MTUS1: variants seen among roughly 807,000 people sequenced by gnomAD.
MTUS1 encodes microtubule-associated tumor suppressor 1.
MTUS1 carries 109 observed loss-of-function variants against 120.8 expected under a neutral mutation model. The ratio of observed to expected loss-of-function variants is 0.90; its 90% CI spans 0.77 to 1.06. The LOEUF is 1.06. Ranked by LOEUF, MTUS1 falls within the 50% of genes least tolerant of loss-of-function variation. The pLI, the probability that MTUS1 is intolerant of heterozygous loss-of-function variation, is 0.00. For synonymous variants in MTUS1, 737 were observed against 550.5 expected, an observed-to-expected ratio of 1.34 and a Z score of -4.74; for missense variants, 2,210 against 1,486.3, an observed-to-expected ratio of 1.49 and a Z score of -8.01.
At chr8:17,743,557 TTTTACA>T in intron 3 of MTUS1, 41 bp downstream of exon 3, 1 of 1,560,062 alleles carries the variant, frequency 6.4e-7, no homozygotes, top group South Asian at 1.2e-5. Context: ...GACTGTCCAA[TTTTACA>T]TTCAATTAAC....
chr8:17,790,685 T>C (rs866224806), intron 1 of MTUS1, among the ~76,000 whole-genome samples: 8 of 152,106 alleles, frequency 5.3e-5, no homozygotes, highest in Admixed American at 1.3e-4. Flanking sequence ...ATTTTACATA[T>C]CATAACTACT....
Position 17,755,977 on chromosome 8 carries a change from TGTTTAACTCAAGTAACTATAAGA to T in MTUS1, c.-154-39_-154-17del, listed in dbSNP as rs2048578862. 2.8e-6 allele frequency: 4 copies of T among 1,405,396 alleles called. No individual in the cohort carries two copies. In the South Asian group the frequency reaches 6.5e-5, roughly 23 times the overall value. The allele number at this position is 1,405,396 out of a possible 1,614,324, so 87.1% of individuals were successfully genotyped here. Reference sequence around the variant, plus strand: ...TTGTTGTTCCCTGGAAGAAATAAAATGTTTAACTCAAGTAACTATAAGAAAAATTAACAGGCCACCCCTTGGTT... The same window carrying T: ...TTGTTGTTCCCTGGAAGAAATAAAATAAAATTAACAGGCCACCCCTTGGTT... On this transcript the variant is annotated splice_polypyrimidine_tract_variant and intron_variant, in intron 1 of 14. Transcript: ENST00000693296.
At chr8:17,786,066 G>C (rs534219300) in intron 1 of MTUS1, among the ~76,000 whole-genome samples, 4 of 152,324 alleles carry the variant, frequency 2.6e-5, no homozygotes, top group African/African-American at 9.6e-5. Flanking sequence ...CTTCAGCCCA[G>C]AAGTTAGAGG....
chr8:17,788,248 C>T lies in MTUS1; in HGVS notation c.-155+12813G>A, dbSNP rs117217061. Among the ~76,000 whole-genome samples, 125 of 152,306 alleles carry T rather than the reference C, an allele frequency of 8.2e-4. 3 individuals carry two copies. The East Asian group carries it at 0.022, about 27-fold the overall frequency. On this transcript the variant is annotated intron_variant, in intron 1 of 14. Transcript: ENST00000693296. Reference sequence around the variant, plus strand: ...TTAAGCCAGGTGCACTGCATTTCATCACACTTAATGTTATCTCAAAAATTG... The same window carrying T: ...TTAAGCCAGGTGCACTGCATTTCATTACACTTAATGTTATCTCAAAAATTG...
At chr8:17,779,038 G>T (rs187473145) in intron 1 of MTUS1, among the ~76,000 whole-genome samples, 2 of 152,134 alleles carry the variant, frequency 1.3e-5, no homozygotes, top group Non-Finnish European at 2.9e-5. Flanking sequence ...GGTCACATAG[G>T]AAAGCATGGA....
chr8:17,738,609 G>A (rs1477010709), intron 3 of MTUS1, among the ~76,000 whole-genome samples: 2 of 152,144 alleles, frequency 1.3e-5, no homozygotes, highest in African/African-American at 4.8e-5. Context: ...AGGCTGTGCA[G>A]GTTTGTTACA....
chr8:17,762,013 C>G (rs1468741609), intron 1 of MTUS1, among the ~76,000 whole-genome samples: 1 of 152,202 alleles, frequency 6.6e-6, no homozygotes, highest in Non-Finnish European at 1.5e-5. Flanking sequence ...GGTGCAGTGG[C>G]TCAGGCCTAT....
intron 6 of MTUS1, chr8:17,697,714 G>A (rs935477299): frequency 1.0e-6 from 1 of 1,003,126 alleles, no homozygotes; most frequent in South Asian, 4.6e-5. Flanking sequence ...AGATGGTAAA[G>A]GGGAGGAGAA....
At chr8:17,726,587 A>C (rs1585987760) in intron 3 of MTUS1, among the ~76,000 whole-genome samples, 1 of 152,196 alleles carries the variant, frequency 6.6e-6, no homozygotes, top group East Asian at 1.9e-4. Context: ...TGAAGCATTC[A>C]GTGCTTAACC....
chr8:17,733,796 G>C (rs2046752909), intron 3 of MTUS1, among the ~76,000 whole-genome samples: 1 of 152,074 alleles, frequency 6.6e-6, no homozygotes, highest in Admixed American at 6.6e-5. Context: ...TATATTCTGA[G>C]CCATAACTCC....
chr8:17,650,441 A>C (rs1806738465), intron 12 of MTUS1, among the ~76,000 whole-genome samples: 1 of 152,226 alleles, frequency 6.6e-6, no homozygotes, highest in Admixed American at 6.5e-5. Flanking sequence ...TGATGGGGCT[A>C]CGTTGACTGG....
At chr8:17,676,359 C>A (rs973544202) in intron 7 of MTUS1, 3 of 702,860 alleles carry the variant, frequency 4.3e-6, no homozygotes, top group Admixed American at 2.0e-5. Context: ...AGTCCCCCCA[C>A]CCCTCGCACT....
rs1216145171 is a variant in MTUS1, at chr8:17,754,603, C to T, written c.1205G>A (p.Gly402Glu). The T allele has an allele frequency of 1.1e-5, 18 of 1,614,048 alleles. No homozygotes were observed. The highest frequency in any genetic ancestry group is 1.6e-4 in the Middle Eastern group (1 of 6,084). Residue 402 changes from glycine (G) to glutamate (E), a missense_variant, in exon 2 of 15, where the codon GGA becomes GAA. Coordinates refer to ENST00000693296, the MANE Select transcript of MTUS1 (RefSeq NM_001363059.2). ...TCCAAATGACGAGCCCACCTTTTGTCCTGGCGGGCTACTTAGAATCAATTC... is the reference window on the plus strand; with the variant it reads ...TCCAAATGACGAGCCCACCTTTTGTTCTGGCGGGCTACTTAGAATCAATTC... ...TSELILSSPP[G>E]QKVGSSFGLT...
In MTUS1 at chr8:17,649,878, G is replaced by T; in HGVS notation, c.3469C>A (p.Gln1157Lys). ...LEIKNEKLHQQDIKLMKMEKL... is the reference protein window; with the variant it reads ...LEIKNEKLHQKDIKLMKMEKL... ...TCCATTTTCATTAACTTGATGTCCT[G>T]TTGATGCAGTTTCTCATTCTTGATC... Residue 1157 changes from glutamine (Q) to lysine (K), a missense_variant, in exon 13 of 15, where the codon CAG (glutamine) becomes AAG (lysine). Coordinates refer to ENST00000693296, the MANE Select transcript of MTUS1 (RefSeq NM_001363059.2). 1.2e-6 allele frequency: 2 copies of T among 1,603,688 alleles called. No homozygotes were observed. The highest frequency in any genetic ancestry group is 1.7e-6 in the Non-Finnish European group (2 of 1,170,792).
intron 2 of MTUS1, among the ~76,000 whole-genome samples, chr8:17,751,586 G>A (rs527263726): frequency 2.6e-5 from 4 of 152,180 alleles, no homozygotes; most frequent in African/African-American, 9.6e-5. Context: ...TAGGCCGGGG[G>A]CAGTGGCTCA....
rs1220808488 is a variant in MTUS1, at chr8:17,754,092, G to C, written c.1716C>G (p.Asn572Lys). 3 of 1,613,704 alleles carry C rather than the reference G, an allele frequency of 1.9e-6. No individual in the cohort carries two copies. The highest frequency in any genetic ancestry group is 2.5e-6 in the Non-Finnish European group (3 of 1,179,994). Residue 572 changes from asparagine (N) to lysine (K), a missense_variant, in exon 2 of 15, where the codon AAC (asparagine) becomes AAG (lysine). By Grantham distance (94) the Asn-to-Lys change is moderately conservative. Transcript: ENST00000693296. ...TATTAAACTGCTGCTTATGTGTCTT[G>C]TTAATTAGAATTTCTGCTTTTTTGT... The part of the protein sequence containing the change: ...NADKKAEILI[N>K]KTHKQQFNKL...
intron 7 of MTUS1, among the ~76,000 whole-genome samples, chr8:17,681,849 A>C (rs1375707010): frequency 5.8e-5 from 7 of 120,324 alleles, no homozygotes; most frequent in African/African-American, 1.1e-4. Flanking sequence ...ACGCTGAGAA[A>C]AGTTGAAAAA....
intron 8 of MTUS1, among the ~76,000 whole-genome samples, chr8:17,657,143 C>T (rs1447076080): frequency 1.4e-5 from 2 of 147,670 alleles, no homozygotes; most frequent in Non-Finnish European, 3.0e-5. Flanking sequence ...TATTTCAAAA[C>T]TAATAAAAAT....
intron 1 of MTUS1, among the ~76,000 whole-genome samples, chr8:17,768,839 A>C (rs918394281): frequency 1.3e-5 from 2 of 152,208 alleles, no homozygotes; most frequent in Non-Finnish European, 2.9e-5. Flanking sequence ...GAAAAGTCAA[A>C]GAATCTCCCA....
Sources: gnomAD v4.1 joint callset for allele counts (sites outside exome capture counted in the v4.1 genomes callset) on GRCh38, gnomAD v4.1.1 for gene constraint, MANE v1.5 for transcripts, NCBI Gene and HGNC (gene_info 2026-07-23, HGNC 2026-07-21) for gene names.